LRP6: variants seen among roughly 807,000 people sequenced by gnomAD.
LRP6 encodes LDL receptor related protein 6.
In LRP6, 43 loss-of-function variants were observed where a neutral mutation model predicts 184.1. That is an observed-to-expected ratio of 0.23 (90% CI 0.18 to 0.30). LRP6 has a LOEUF of 0.30. LRP6 is among the 10% of genes least tolerant of loss of function. LRP6 has a pLI of 1.00. For missense variants in LRP6, 1,571 were observed against 2,005.3 expected (o/e 0.78, Z 4.14); for synonymous variants, 719 against 684.9 (o/e 1.05, Z -0.78).
intron 2 of LRP6, among the ~76,000 whole-genome samples, chr12:12,217,055 T>C (rs1026611218): frequency 2.7e-4 from 41 of 152,046 alleles, no homozygotes; most frequent in African/African-American, 9.7e-4. Flanking sequence ...ATAACTGGGG[T>C]CCCCAACCTC....
chr12:12,249,062 C>A, intron 1 of LRP6: 1 of 688,826 alleles, frequency 1.5e-6, no homozygotes, highest in South Asian at 1.5e-5. Flanking sequence ...CAAAGAAGGC[C>A]AGAAAGGAGT....
chr12:12,160,484 A>G (rs1437414841), intron 10 of LRP6, among the ~76,000 whole-genome samples: 2 of 152,226 alleles, frequency 1.3e-5, no homozygotes, highest in African/African-American at 2.4e-5. Context: ...TGAAGTCAAA[A>G]GCAAAGCTTG....
chr12:12,159,311 C>G (rs1862682877), intron 11 of LRP6, among the ~76,000 whole-genome samples, 156 bp from the exon 12 acceptor site: 2 of 152,070 alleles, frequency 1.3e-5, no homozygotes, highest in South Asian at 4.1e-4. Flanking sequence ...AAAAGCAATT[C>G]TAAAACGAGA....
In LRP6 at chr12:12,148,969, C is replaced by G. The variant is rs1950045597; in HGVS notation, c.3179G>C (p.Arg1060Pro). ...VVLKGEQDRP[R>P]AVVVNPEKGY... ...TTTCTCTGGGTTTACCACAACGGCT[C>G]GAGGTCTGTCCTGCTCGCCTTTCAG... Residue 1060 changes from arginine (R) to proline (P), a missense_variant, in exon 14 of 23, where the codon CGA becomes CCA. Coordinates refer to ENST00000261349, the MANE Select transcript of LRP6 (RefSeq NM_002336.3). 6.2e-7 allele frequency: 1 copy of G among 1,613,462 alleles called. No homozygotes were observed. The highest frequency in any genetic ancestry group is 1.1e-5 in the South Asian group (1 of 91,048).
intron 1 of LRP6, among the ~76,000 whole-genome samples, chr12:12,257,609 TAGAA>T (rs1865497964): frequency 8.0e-6 from 1 of 124,388 alleles, no homozygotes. Flanking sequence ...AAGTACTTGA[TAGAA>T]AGGGCTTAAT....
intron 12 of LRP6, among the ~76,000 whole-genome samples, chr12:12,153,560 T>C (rs1276914386): frequency 6.6e-6 from 1 of 152,236 alleles, no homozygotes; most frequent in Non-Finnish European, 1.5e-5. Flanking sequence ...CCAAAAAGTC[T>C]ACTCAAATAT....
chr12:12,129,323 T>C (rs1949714987), intron 19 of LRP6, among the ~76,000 whole-genome samples: 2 of 152,198 alleles, frequency 1.3e-5, no homozygotes, highest in African/African-American at 4.8e-5. Flanking sequence ...TAATATTGTC[T>C]AGGCTCTTTA....
chr12:12,177,517 C>T (rs1467261481), intron 7 of LRP6, among the ~76,000 whole-genome samples: 1 of 152,180 alleles, frequency 6.6e-6, no homozygotes, highest in African/African-American at 2.4e-5. Flanking sequence ...CCCAGATTTT[C>T]TCCCCGAGTT....
chr12:12,198,841 T>C (rs1344277181), intron 3 of LRP6, among the ~76,000 whole-genome samples: 1 of 152,094 alleles, frequency 6.6e-6, no homozygotes, highest in Non-Finnish European at 1.5e-5. Context: ...TTTTCTAATC[T>C]TATGTTATCC....
chr12:12,198,723 G>A (rs1269673715), intron 3 of LRP6, among the ~76,000 whole-genome samples: 4 of 151,418 alleles, frequency 2.6e-5, no homozygotes, highest in African/African-American at 9.7e-5. Context: ...TAGTAGAGAC[G>A]GGGTTTCACC....
chr12:12,259,538 A>T (rs963616801), intron 1 of LRP6, among the ~76,000 whole-genome samples: 3 of 152,122 alleles, frequency 2.0e-5, no homozygotes, highest in Non-Finnish European at 2.9e-5. Flanking sequence ...TTTTCACCGA[A>T]GAGTCCAAGC....
chr12:12,213,467 A>G (rs1449452285), intron 2 of LRP6, among the ~76,000 whole-genome samples: 1 of 152,090 alleles, frequency 6.6e-6, no homozygotes, highest in Non-Finnish European at 1.5e-5. Context: ...TATTATTAAT[A>G]TATCTGTTAC....
intron 2 of LRP6, among the ~76,000 whole-genome samples, chr12:12,221,623 A>G (rs896050548): frequency 6.6e-6 from 1 of 152,222 alleles, no homozygotes; most frequent in African/African-American, 2.4e-5. Context: ...TCAGGAATCA[A>G]TATTTTTTTA....
chr12:12,174,019 A>G (rs1321580060), intron 7 of LRP6, among the ~76,000 whole-genome samples: 1 of 152,224 alleles, frequency 6.6e-6, no homozygotes, highest in African/African-American at 2.4e-5. Flanking sequence ...ACTAACATAC[A>G]GTACATGTTG....
In LRP6 at chr12:12,179,858, A is replaced by G. The variant is rs201068937; in HGVS notation, c.1497T>C (p.Tyr499=). Residue 499 remains tyrosine, a synonymous_variant, in exon 7 of 23, where the codon TAT becomes TAC. Transcript: ENST00000261349. ...CTCCCCAGTATATTTTGCCTTCATCATAATCCAAGGCTAAACCATTTGGCC... is the reference window on the plus strand; with the variant it reads ...CTCCCCAGTATATTTTGCCTTCATCGTAATCCAAGGCTAAACCATTTGGCC... ...LGWPNGLALD[Y]DEGKIYWGDA... is the part of the protein sequence containing the mutation. 1.9e-5 allele frequency: 31 copies of G among 1,613,874 alleles called. No homozygotes were observed. In the East Asian group the frequency reaches 5.8e-4, roughly 30 times the overall value.
chr12:12,190,992 A>G (rs1259997308), intron 3 of LRP6, among the ~76,000 whole-genome samples: 1 of 152,244 alleles, frequency 6.6e-6, no homozygotes, highest in Non-Finnish European at 1.5e-5. Context: ...AACTACCAAC[A>G]GCCATTAAGA....
chr12:12,236,285 G>A (rs1475841244), intron 2 of LRP6, among the ~76,000 whole-genome samples: 1 of 152,140 alleles, frequency 6.6e-6, no homozygotes, highest in Non-Finnish European at 1.5e-5. Context: ...AAATGACTCA[G>A]GAACCAACTT....
At chr12:12,156,751 T>G (rs1862589968) in intron 12 of LRP6, among the ~76,000 whole-genome samples, 1 of 152,230 alleles carries the variant, frequency 6.6e-6, no homozygotes, top group Non-Finnish European at 1.5e-5. Flanking sequence ...AATCTCTGTC[T>G]TCGTGCCTCT....
intron 15 of LRP6, among the ~76,000 whole-genome samples, chr12:12,145,785 CCAT>C (rs1179360849): frequency 1.3e-5 from 2 of 151,862 alleles, no homozygotes; most frequent in African/African-American, 4.8e-5. Flanking sequence ...GTGCCCACCA[CCAT>C]GCTTGGCTAT....
Sources: gnomAD v4.1 joint callset for allele counts (sites outside exome capture counted in the v4.1 genomes callset) on GRCh38, gnomAD v4.1.1 for gene constraint, MANE v1.5 for transcripts, NCBI Gene and HGNC (gene_info 2026-07-23, HGNC 2026-07-21) for gene names.